Variants in UGT2B7 observed in about 807,000 individuals in gnomAD.
UGT2B7 encodes the protein UDP glucuronosyltransferase family 2 member B7, also known as UDP-glucuronosyltransferase 2B7.
A neutral mutation model predicts 51.9 loss-of-function variants in UGT2B7; 51 were observed. The observed-to-expected ratio is 0.98, with a 90% CI of 0.78 to 1.24. The LOEUF (loss-of-function observed/expected upper bound fraction) is 1.24. Among genes scored for constraint, UGT2B7 ranks in the 50% most tolerant of loss-of-function variants. The pLI is 0.00. For missense variants in UGT2B7, 727 were observed against 628.4 expected (o/e 1.16, Z -1.68); for synonymous variants, 225 against 211.6 (o/e 1.06, Z -0.55).
intron 1 of UGT2B7, among the ~76,000 whole-genome samples, chr4:69,054,731 C>T (rs962385189): frequency 6.6e-6 from 1 of 152,070 alleles, no homozygotes; most frequent in Non-Finnish European, 1.5e-5. Flanking sequence ...ACAAGCCCTG[C>T]TCCAGTCACA....
chr4:69,064,094 A>AAGAAAGAAAGAAAGAAAGAGAGAG (rs1560499755), intron 1 of UGT2B7, among the ~76,000 whole-genome samples: 29 of 84,468 alleles, frequency 3.4e-4, no homozygotes, highest in Admixed American at 4.9e-4. Context: ...GAAAGAAAGA[A>AAGAAAGAAAGAAAGAAAGAGAGAG]AGAGAAAGAA....
chr4:69,081,845 C>T (rs183499487), intron 1 of UGT2B7, among the ~76,000 whole-genome samples: 2 of 152,202 alleles, frequency 1.3e-5, no homozygotes, highest in Admixed American at 1.3e-4. Flanking sequence ...TATTTTATTG[C>T]ACTTTGTTTT....
intron 1 of UGT2B7, chr4:69,067,723 A>C (rs548915509): frequency 6.5e-6 from 1 of 152,830 alleles, no homozygotes; most frequent in South Asian, 2.1e-4. Context: ...TGCTGAGTAC[A>C]TATATTTTTT....
At chr4:69,058,006 C>A (rs959035809) in intron 1 of UGT2B7, among the ~76,000 whole-genome samples, 1 of 152,110 alleles carries the variant, frequency 6.6e-6, no homozygotes, top group Non-Finnish European at 1.5e-5. Context: ...CTGAATGCAG[C>A]CCTGTTTAGC....
chr4:69,094,460 A>G, upstream of UGT2B7, among the ~76,000 whole-genome samples: 1 of 152,200 alleles, frequency 6.6e-6, no homozygotes, highest in Non-Finnish European at 1.5e-5. Flanking sequence ...TTTCTAAGGC[A>G]TATAAAAAGT....
chr4:69,098,821 A>C (rs1719331515), intron 2 of UGT2B7, 133 bp downstream of exon 2: 2 of 1,450,784 alleles, frequency 1.4e-6, no homozygotes, highest in East Asian at 4.6e-5. Flanking sequence ...GCAGATACCA[A>C]TTAGAAACTC....
At chr4:69,074,488 A>G (rs1718663351) in intron 1 of UGT2B7, among the ~76,000 whole-genome samples, 1 of 120,088 alleles carries the variant, frequency 8.3e-6, no homozygotes, top group African/African-American at 4.1e-5. Flanking sequence ...TCCCCTATTT[A>G]TGATCCTTGG....
chr4:69,077,249 G>C (rs1311787298), intron 1 of UGT2B7, among the ~76,000 whole-genome samples: 1 of 152,008 alleles, frequency 6.6e-6, no homozygotes, highest in Non-Finnish European at 1.5e-5. Flanking sequence ...GCTTAGGTTT[G>C]TCTTGGCTCT....
At chr4:69,056,533 CA>C (rs1430759080) in intron 1 of UGT2B7, among the ~76,000 whole-genome samples, 1 of 152,162 alleles carries the variant, frequency 6.6e-6, no homozygotes, top group East Asian at 1.9e-4. Context: ...AAAGACATAA[CA>C]AAACTGGCAC....
At chr4:69,061,776 G>A (rs1003752738) in intron 1 of UGT2B7, among the ~76,000 whole-genome samples, 1 of 152,110 alleles carries the variant, frequency 6.6e-6, no homozygotes, top group Non-Finnish European at 1.5e-5. Flanking sequence ...CCCCTGAAAA[G>A]GGCCCACTCA....
At chr4:69,108,050 T>C in intron 4 of UGT2B7, 53 bp from the exon 5 acceptor site, 1 of 1,580,036 alleles carries the variant, frequency 6.3e-7, no homozygotes, top group Non-Finnish European at 8.7e-7. Context: ...CCTTTCATTG[T>C]GCATCTCATT....
chr4:69,083,320 A>T (rs1718877544), intron 1 of UGT2B7, among the ~76,000 whole-genome samples: 1 of 152,114 alleles, frequency 6.6e-6, no homozygotes, highest in African/African-American at 2.4e-5. Flanking sequence ...AATACATTTT[A>T]TAATGCTATT....
At chr4:69,051,824 G>T (rs1256828539) in intron 1 of UGT2B7, among the ~76,000 whole-genome samples, 1 of 152,220 alleles carries the variant, frequency 6.6e-6, no homozygotes, top group Non-Finnish European at 1.5e-5. Context: ...GACTTGACTT[G>T]AATTGCTGGA....
chr4:69,101,740 C>T (rs1719424473), intron 2 of UGT2B7, among the ~76,000 whole-genome samples: 1 of 152,098 alleles, frequency 6.6e-6, no homozygotes, highest in Admixed American at 6.6e-5. Flanking sequence ...AGTTTTACCC[C>T]AATCATTAAA....
At chr4:69,071,868 G>T (rs544080636) in intron 1 of UGT2B7, among the ~76,000 whole-genome samples, 1 of 152,004 alleles carries the variant, frequency 6.6e-6, no homozygotes, top group African/African-American at 2.4e-5. Flanking sequence ...ACAAATATTA[G>T]TCTGGGGAAA....
intron 1 of UGT2B7, among the ~76,000 whole-genome samples, chr4:69,068,202 A>C (rs935322898): frequency 6.6e-6 from 1 of 152,024 alleles, no homozygotes. Context: ...TCAATCTCTA[A>C]TTCCCATTAT....
chr4:69,058,171 A>C (rs1039093167), intron 1 of UGT2B7, among the ~76,000 whole-genome samples: 6 of 152,198 alleles, frequency 3.9e-5, no homozygotes, highest in African/African-American at 1.4e-4. Context: ...ACACAGAGAC[A>C]AAAAGAAAGC....
chr4:69,066,102 C>G (rs918354784), intron 1 of UGT2B7, among the ~76,000 whole-genome samples: 1 of 152,138 alleles, frequency 6.6e-6, no homozygotes. Flanking sequence ...ACTAGGTGAT[C>G]TCAATGTTTT....
chr4:69,112,754 A>G lies in UGT2B7; in HGVS notation c.*18A>G, dbSNP rs1300311164. The G allele has an allele frequency of 6.2e-7, 1 of 1,613,196 alleles. No homozygotes were observed. Among genetic ancestry groups the G allele is most frequent in the Admixed American group, 1.7e-5 (1 of 59,886 alleles). On this transcript the variant is annotated 3_prime_UTR_variant, in exon 6 of 6. Transcript: ENST00000305231. Reference sequence around the variant, plus strand: ...ATGATTAGTTATATCTGAGATTTGAAGCTGGAAAACCTGATAGGTGAGACT... The same window carrying G: ...ATGATTAGTTATATCTGAGATTTGAGGCTGGAAAACCTGATAGGTGAGACT...
Sources: gnomAD v4.1 joint callset for allele counts (sites outside exome capture counted in the v4.1 genomes callset) on GRCh38, gnomAD v4.1.1 for gene constraint, MANE v1.5 for transcripts, NCBI Gene and HGNC (gene_info 2026-07-23, HGNC 2026-07-21) for gene names.